Variants in OGDH observed in about 807,000 individuals in gnomAD.
OGDH encodes oxoglutarate dehydrogenase, also known as 2-oxoglutarate dehydrogenase complex component E1.
A neutral mutation model predicts 116.6 loss-of-function variants in OGDH; 38 were observed. The observed-to-expected ratio is 0.33, with a 90% CI of 0.25 to 0.43. The LOEUF is 0.43. Ranked by LOEUF, OGDH falls within the 20% of genes least tolerant of loss-of-function variation. OGDH has a pLI of 1.00. For synonymous variants in OGDH, 488 were observed against 533.3 expected (o/e 0.92, Z 1.17); for missense variants, 825 against 1,357.2 (o/e 0.61, Z 6.16).
chr7:44,651,337 T>C (rs1354582664), intron 4 of OGDH, among the ~76,000 whole-genome samples: 1 of 152,168 alleles, frequency 6.6e-6, no homozygotes, highest in African/African-American at 2.4e-5. Context: ...TCTCAGAAAT[T>C]CTCCTGGTCC....
At chr7:44,614,258 A>G (rs897389401) in intron 1 of OGDH, among the ~76,000 whole-genome samples, 12 of 142,748 alleles carry the variant, frequency 8.4e-5, no homozygotes, top group African/African-American at 3.1e-4. Context: ...CTTGTGTATA[A>G]TGCACCATTT....
At chr7:44,629,580 C>CT (rs71701992) in intron 2 of OGDH, among the ~76,000 whole-genome samples, 1,332 of 59,964 alleles carry the variant, frequency 0.022, 36 homozygotes, top group Admixed American at 0.11. Context: ...TTTTTCTTTT[C>CT]TTTTTTTTTT....
In OGDH at chr7:44,699,425, C is replaced by CAA. The variant is rs59695480; in HGVS notation, c.2431-693_2431-692dup. Among the ~76,000 whole-genome samples, 269 of 66,040 alleles carry CAA rather than the reference C, an allele frequency of 4.1e-3. 2 individuals carry two copies. Among genetic ancestry groups the CAA allele is most frequent in the Admixed American group, 7.0e-3 (40 of 5,698 alleles). 43.3% of individuals were successfully genotyped at this position (66,040 alleles called of 152,430 possible). On this transcript the variant is annotated intron_variant, in intron 18 of 22. Transcript: ENST00000222673. ...AGGCGACAGAGGGAGACTCCTGTCT[C>CAA]AAAAAAAAAAAAAAAAAAAAAAAAC...
intron 4 of OGDH, among the ~76,000 whole-genome samples, chr7:44,657,708 C>T (rs1786753909): frequency 6.6e-6 from 1 of 152,108 alleles, no homozygotes; most frequent in Non-Finnish European, 1.5e-5. Context: ...CTTTCCTTAG[C>T]CCTAGATCCC....
intron 12 of OGDH, among the ~76,000 whole-genome samples, chr7:44,695,435 G>A (rs1788538136): frequency 6.6e-6 from 1 of 152,164 alleles, no homozygotes; most frequent in Admixed American, 6.5e-5. Context: ...GGCTGGGCGT[G>A]GTGGCTCATG....
At chr7:44,607,740 G>T (rs752426960) in intron 1 of OGDH, among the ~76,000 whole-genome samples, 5 of 152,028 alleles carry the variant, frequency 3.3e-5, no homozygotes, top group Non-Finnish European at 7.4e-5. Flanking sequence ...AGTCTCTGTC[G>T]CCCAGGCTGG....
At chr7:44,647,601 T>C in intron 3 of OGDH, 56 bp from the exon 4 acceptor site, 1 of 1,591,660 alleles carries the variant, frequency 6.3e-7, no homozygotes, top group Middle Eastern at 1.7e-4. Flanking sequence ...TTCCCTCTTT[T>C]TTTTTCTTCT....
At position 44,613,167 on chromosome 7, in the gene OGDH, C is replaced by T. The variant is rs372731559; in HGVS notation, c.-28+6514C>T. 2.1e-4 allele frequency among the ~76,000 whole-genome samples: 32 copies of T among 150,662 alleles called. No individual in the cohort carries two copies. In the South Asian group the frequency reaches 5.7e-3, roughly 27 times the overall value. On this transcript the variant is annotated intron_variant, in intron 1 of 22. Transcript: ENST00000222673. ...CTGGGATTACAGGCATGAGCCACTG[C>T]GCCTGGCTTGTTTTTGTTTTTGTTT...
chr7:44,652,467 A>G (rs1786493469), intron 4 of OGDH, among the ~76,000 whole-genome samples: 1 of 152,214 alleles, frequency 6.6e-6, no homozygotes, highest in Admixed American at 6.5e-5. Flanking sequence ...GTAAATCTCC[A>G]GATGCCCATC....
intron 4 of OGDH, 66 bp from the exon 5 acceptor site, chr7:44,666,668 CTG>C (rs1787198024): frequency 6.7e-6 from 5 of 749,178 alleles, no homozygotes; most frequent in Non-Finnish European, 1.0e-5. Flanking sequence ...TTTCCATAAA[CTG>C]TGGTCCCTGC....
At chr7:44,628,616 A>C (rs1234700664) in intron 2 of OGDH, among the ~76,000 whole-genome samples, 4 of 151,840 alleles carry the variant, frequency 2.6e-5, no homozygotes, top group African/African-American at 9.7e-5. Context: ...TTTTTAAAAA[A>C]ATAAAAAAAT....
At chr7:44,626,680 A>G (rs570712670) in intron 2 of OGDH, among the ~76,000 whole-genome samples, 155 of 152,304 alleles carry the variant, frequency 1.0e-3, no homozygotes, top group African/African-American at 3.4e-3. Flanking sequence ...GCCTGTTGCC[A>G]TCATAGCTGC....
chr7:44,608,020 C>G (rs765351632), intron 1 of OGDH, among the ~76,000 whole-genome samples: 1 of 151,930 alleles, frequency 6.6e-6, no homozygotes, highest in Non-Finnish European at 1.5e-5. Flanking sequence ...TTTTTTTAAG[C>G]GCACTTTTCA....
chr7:44,676,056 G>A lies in OGDH; in HGVS notation c.1113G>A (p.Val371=). ...ACAGGAACATTACCTTGTCCTTGGT[G>A]GCCAACCCTTCCCACCTTGAGGCCG... ...VTDRNITLSL[V]ANPSHLEAAD... The change falls in exon 9 of 23, where the codon GTG becomes GTA. Residue 371 remains valine, a synonymous_variant. Coordinates refer to ENST00000222673, the MANE Select transcript of OGDH (RefSeq NM_002541.4). 1 of 1,614,020 alleles carries A rather than the reference G, an allele frequency of 6.2e-7. No individual in the cohort carries two copies. The highest frequency in any genetic ancestry group is 2.2e-5 in the East Asian group (1 of 44,862).
chr7:44,694,308 G>C lies in OGDH; in HGVS notation c.1516-116G>C, dbSNP rs1042355566. ...CTAGAGAAGGTAAACTCCAGGGCAG[G>C]CATGAGGAATGAAGAACGTGGCCAT... On this transcript the variant is annotated intron_variant, in intron 11 of 22. Coordinates refer to ENST00000222673, the MANE Select transcript of OGDH (RefSeq NM_002541.4). The surrounding 1 kb of genome is among the most constrained non-coding windows in gnomAD (Gnocchi z 4.2). 3 of 1,270,404 alleles carry C rather than the reference G, an allele frequency of 2.4e-6. No individual in the cohort carries two copies. The highest frequency in any genetic ancestry group is 2.2e-6 in the Non-Finnish European group (2 of 920,494). 78.7% of individuals were successfully genotyped at this position (1,270,404 alleles called of 1,614,324 possible).
chr7:44,636,359 C>T (rs1482872059), intron 2 of OGDH, among the ~76,000 whole-genome samples: 1 of 152,232 alleles, frequency 6.6e-6, no homozygotes, highest in Non-Finnish European at 1.5e-5. Context: ...GCCCTCAAGA[C>T]TCCCAACTGC....
intron 4 of OGDH, chr7:44,656,288 T>C: frequency 6.5e-7 from 1 of 1,535,792 alleles, no homozygotes; most frequent in South Asian, 1.2e-5. Context: ...CCTTCTGCGC[T>C]CACCCATGAT....
In OGDH at chr7:44,632,032, C is replaced by G. The variant is rs558756154; in HGVS notation, c.222+7467C>G. The stretch of plus-strand genomic sequence containing the variant: ...GCAGGCTTCAGGGCCAGGAGCCAGA[C>G]GCAGCAAGAAAAAACCAAAAATTTG... On this transcript the variant is annotated intron_variant, in intron 2 of 22. Transcript: ENST00000222673. Among the ~76,000 whole-genome samples, 10 of 152,198 alleles carry G rather than the reference C, an allele frequency of 6.6e-5. No individual in the cohort carries two copies. The South Asian group carries it at 2.1e-3, about 32-fold the overall frequency.
Position 44,699,127 on chromosome 7 carries a change from C to T in OGDH, c.2430+864C>T, listed in dbSNP as rs1018423752. 4.3e-5 allele frequency among the ~76,000 whole-genome samples: 6 copies of T among 138,900 alleles called. No individual in the cohort carries two copies. In the East Asian group the frequency reaches 6.7e-4, roughly 15 times the overall value. The allele number at this position is 138,900 out of a possible 152,430, so 91.1% of individuals were successfully genotyped here. A position where few individuals can be genotyped will look rare whatever the true frequency, so the allele number is the denominator to read the frequency against. On this transcript the variant is annotated intron_variant, in intron 18 of 22. Coordinates refer to ENST00000222673, the MANE Select transcript of OGDH (RefSeq NM_002541.4). ...CGCTGCACTCCAGCCTGGGCAGCTC[C>T]GTCTCACAAAAAAAGAACTGGCCAG...
Sources: gnomAD v4.1 joint callset for allele counts (sites outside exome capture counted in the v4.1 genomes callset) on GRCh38, gnomAD v4.1.1 for gene constraint, Gnocchi (gnomAD v3.1) non-coding constraint, MANE v1.5 for transcripts, NCBI Gene and HGNC (gene_info 2026-07-23, HGNC 2026-07-21) for gene names.